The following TMEM132D variants were observed in gnomAD, a reference collection of about 807,000 sequenced individuals.
The protein encoded by TMEM132D is mature OL transmembrane protein.
TMEM132D carries 21 observed loss-of-function variants against 62.3 expected under a neutral mutation model. That is an observed-to-expected ratio of 0.34 (90% CI 0.24 to 0.49). TMEM132D has a LOEUF of 0.49. TMEM132D is among the 20% of genes least tolerant of loss of function. The pLI, the probability that TMEM132D is intolerant of heterozygous loss-of-function variation, is 0.99. For synonymous variants in TMEM132D, 621 were observed against 575.6 expected, an observed-to-expected ratio of 1.08 and a Z score of -1.13; for missense variants, 1,346 against 1,402.8, an observed-to-expected ratio of 0.96 and a Z score of 0.65.
intron 3 of TMEM132D, among the ~76,000 whole-genome samples, chr12:129,403,785 G>A (rs181898851): frequency 1.2e-4 from 18 of 152,260 alleles, no homozygotes; most frequent in Non-Finnish European, 2.2e-4. Context: ...AGGGAATAAT[G>A]AGGGTGCTTA....
intron 1 of TMEM132D, among the ~76,000 whole-genome samples, chr12:129,724,994 T>C (rs1193053355): frequency 6.6e-6 from 1 of 152,186 alleles, no homozygotes; most frequent in Non-Finnish European, 1.5e-5. Flanking sequence ...TAGAAACTAC[T>C]TCCAGGCCTG....
Position 129,153,397 on chromosome 12 carries a change from G to A in TMEM132D, c.1443+56123C>T, listed in dbSNP as rs115199003. On this transcript the variant is annotated intron_variant, in intron 5 of 8. Coordinates refer to ENST00000422113, the MANE Select transcript of TMEM132D (RefSeq NM_133448.3). ...GAATGAGAGATTGCGGGCCTAAATAGATGGGAATAAATGCTCTGAAGGTTT... is the reference window on the plus strand; with the variant it reads ...GAATGAGAGATTGCGGGCCTAAATAAATGGGAATAAATGCTCTGAAGGTTT... 5.8e-3 allele frequency among the ~76,000 whole-genome samples: 887 copies of A among 152,092 alleles called. 8 individuals are homozygous for A. The highest frequency in any genetic ancestry group is 0.019 in the African/African-American group (806 of 41,462).
chr12:129,265,229 G>C (rs1166000243), intron 4 of TMEM132D, among the ~76,000 whole-genome samples: 1 of 152,162 alleles, frequency 6.6e-6, no homozygotes, highest in Non-Finnish European at 1.5e-5. Context: ...TGACACACTG[G>C]AGCTGGGAAA....
At chr12:129,618,277 CATA>C (rs1179240338) in intron 2 of TMEM132D, among the ~76,000 whole-genome samples, 1 of 152,180 alleles carries the variant, frequency 6.6e-6, no homozygotes, top group African/African-American at 2.4e-5. Flanking sequence ...TTTAGAAAAT[CATA>C]ATATCTAAAA....
At chr12:129,732,784 A>G (rs538966816) in intron 1 of TMEM132D, among the ~76,000 whole-genome samples, 44 of 152,340 alleles carry the variant, frequency 2.9e-4, no homozygotes, top group Non-Finnish European at 5.7e-4. Context: ...CACAAAGATC[A>G]AGACCTTGAT....
chr12:129,638,452 C>T (rs1879543892), intron 2 of TMEM132D, among the ~76,000 whole-genome samples: 1 of 149,894 alleles, frequency 6.7e-6, no homozygotes, highest in Admixed American at 6.7e-5. Flanking sequence ...TTCCTACTTT[C>T]ATTGAAAAAA....
chr12:129,213,177 C>T (rs746042025), intron 4 of TMEM132D, among the ~76,000 whole-genome samples: 5 of 152,116 alleles, frequency 3.3e-5, no homozygotes, highest in Non-Finnish European at 5.9e-5. Flanking sequence ...GTGTGTGTGT[C>T]TTAGTTCATT....
intron 5 of TMEM132D, among the ~76,000 whole-genome samples, chr12:129,168,511 G>T (rs1182110467): frequency 1.3e-5 from 2 of 152,042 alleles, no homozygotes; most frequent in African/African-American, 4.8e-5. Context: ...TCATATACAT[G>T]GAGTTATATA....
At chr12:129,793,981 CAAAT>C (rs1405664583) in intron 1 of TMEM132D, among the ~76,000 whole-genome samples, 1 of 151,912 alleles carries the variant, frequency 6.6e-6, no homozygotes, top group Non-Finnish European at 1.5e-5. Context: ...TATACACACA[CAAAT>C]ACATACACAC....
chr12:129,851,792 A>G (rs1326152533), intron 1 of TMEM132D, among the ~76,000 whole-genome samples: 1 of 152,208 alleles, frequency 6.6e-6, no homozygotes, highest in African/African-American at 2.4e-5. Context: ...TCAATATTTT[A>G]GGCTTTGTGA....
At chr12:129,475,851 A>G (rs1024853229) in intron 3 of TMEM132D, among the ~76,000 whole-genome samples, 1 of 152,242 alleles carries the variant, frequency 6.6e-6, no homozygotes, top group African/African-American at 2.4e-5. Flanking sequence ...CAACTTTTGA[A>G]AAAGTTCTAG....
rs189928155 is a variant in TMEM132D, at chr12:129,741,753, G to A, written c.80-41055C>T. ...ATAAGACTTTAAGTCCTATCTGTGC[G>A]ACTTTAAATGAGTGATGCTAGTCTT... On this transcript the variant is annotated intron_variant, in intron 1 of 8. Transcript: ENST00000422113. Among the ~76,000 whole-genome samples the A allele has an allele frequency of 5.3e-4, 81 of 152,284 alleles. 1 individual carries two copies. The highest frequency in any genetic ancestry group is 1.6e-3 in the African/African-American group (67 of 41,564).
chr12:129,316,716 G>C (rs561776198), intron 4 of TMEM132D, among the ~76,000 whole-genome samples: 1 of 152,242 alleles, frequency 6.6e-6, no homozygotes, highest in African/African-American at 2.4e-5. Context: ...TTTCTGTCTT[G>C]ATGATCTGTC....
chr12:129,467,079 G>A (rs1245780261), intron 3 of TMEM132D, among the ~76,000 whole-genome samples: 3 of 152,024 alleles, frequency 2.0e-5, no homozygotes, highest in African/African-American at 7.3e-5. Context: ...ATGAATAACA[G>A]AATAAAATTT....
chr12:129,755,409 G>C (rs1226670727), intron 1 of TMEM132D, among the ~76,000 whole-genome samples: 1 of 152,126 alleles, frequency 6.6e-6, no homozygotes, highest in East Asian at 1.9e-4. Context: ...CACTACAAGG[G>C]GGATAGGTTG....
At chr12:129,134,359 G>A (rs1344218697) in intron 5 of TMEM132D, among the ~76,000 whole-genome samples, 14 of 152,108 alleles carry the variant, frequency 9.2e-5, no homozygotes, top group Admixed American at 9.2e-4. Flanking sequence ...TTAAGGACAT[G>A]GTTACAGACA....
In TMEM132D at chr12:129,209,678, A is replaced by G. The variant is rs766283673; in HGVS notation, c.1300-15T>C. ...ATTTCTGCCTCCTGGAAGACCAAAC[A>G]CACCCTTCCATCACATCCCCTCCTG... On this transcript the variant is annotated splice_polypyrimidine_tract_variant and intron_variant, in intron 4 of 8. Transcript: ENST00000422113. The G allele has an allele frequency of 6.2e-7, 1 of 1,613,802 alleles. No homozygotes were observed. Among genetic ancestry groups the G allele is most frequent in the Admixed American group, 1.7e-5 (1 of 59,994 alleles).
intron 3 of TMEM132D, among the ~76,000 whole-genome samples, chr12:129,414,144 T>C (rs1872047709): frequency 6.6e-6 from 1 of 152,242 alleles, no homozygotes; most frequent in African/African-American, 2.4e-5. Context: ...GTGTTATTCT[T>C]TCTCTCAACA....
intron 1 of TMEM132D, among the ~76,000 whole-genome samples, chr12:129,805,528 T>C (rs1381736028): frequency 1.3e-5 from 2 of 152,094 alleles, no homozygotes. Flanking sequence ...TTACATCTTA[T>C]ACAAAACTCA....
Sources: allele counts gnomAD v4.1 joint callset (sites outside exome capture counted in the v4.1 genomes callset), GRCh38; gene constraint gnomAD v4.1.1; transcripts MANE v1.5; gene names NCBI Gene and HGNC (gene_info 2026-07-23, HGNC 2026-07-21).